The following SLC2A1 variants were observed in gnomAD, a reference collection of about 807,000 sequenced individuals.
The protein encoded by SLC2A1 is solute carrier family 2, facilitated glucose transporter member 1.
Under a neutral mutation model 46.6 loss-of-function variants are expected in SLC2A1, and 4 were observed. That is an observed-to-expected ratio of 0.09 (90% CI 0.04 to 0.20). The LOEUF is 0.20. SLC2A1 is among the 10% of genes least tolerant of loss of function. The probability of loss-of-function intolerance (pLI) is 1.00; values close to 1 mark genes in which losing one functional copy is unlikely to be tolerated. For missense variants in SLC2A1, 352 were observed against 667.0 expected (o/e 0.53, Z 5.20); for synonymous variants, 253 against 270.0 (o/e 0.94, Z 0.62).
At chr1:42,943,184 A>G (rs756098411) in intron 2 of SLC2A1, 42 bp downstream of exon 2, 1 of 1,306,396 alleles carries the variant, frequency 7.7e-7, no homozygotes, top group Non-Finnish European at 1.1e-6. Flanking sequence ...TGTGCAACAG[A>G]GCAGGCTGGT....
At position 42,958,774 on chromosome 1, in the gene SLC2A1, G is replaced by T; in HGVS notation, c.-123C>A. 10 of 1,047,574 alleles carry T rather than the reference G, an allele frequency of 9.5e-6. No individual in the cohort carries two copies. In the South Asian group the frequency reaches 1.4e-4, roughly 15 times the overall value. 64.9% of individuals were successfully genotyped at this position (1,047,574 alleles called of 1,614,324 possible). A position where few individuals can be genotyped will look rare whatever the true frequency, so the allele number is the denominator to read the frequency against. On this transcript the variant is annotated 5_prime_UTR_variant, in exon 1 of 10. Transcript: ENST00000426263. Reference sequence around the variant, plus strand: ...GGACTCCCACTGCGACTCTGACTCCGACCCCCGTCGTTTGGTCTCCTGCTC... The same window carrying T: ...GGACTCCCACTGCGACTCTGACTCCTACCCCCGTCGTTTGGTCTCCTGCTC...
At position 42,930,588 on chromosome 1, in the gene SLC2A1, G is replaced by A. The variant is rs1389391348; in HGVS notation, c.516+38C>T. The A allele has an allele frequency of 2.5e-6, 4 of 1,611,536 alleles. No individual in the cohort carries two copies. The highest frequency in any genetic ancestry group is 2.5e-6 in the Non-Finnish European group (3 of 1,179,092). On this transcript the variant is annotated intron_variant, in intron 4 of 9. Transcript: ENST00000426263. The surrounding 1 kb of genome is among the most constrained non-coding windows in gnomAD (Gnocchi z 6.2). ...CCGAGAGCCACTGAAGCTGTGGGCAGGGGCCGTGCCAGGCAGGTAGATCCT... is the reference window on the plus strand; with the variant it reads ...CCGAGAGCCACTGAAGCTGTGGGCAAGGGCCGTGCCAGGCAGGTAGATCCT...
chr1:42,948,755 C>T (rs1030272437), intron 1 of SLC2A1, among the ~76,000 whole-genome samples: 1 of 152,026 alleles, frequency 6.6e-6, no homozygotes, highest in East Asian at 1.9e-4. Context: ...ACAGCAAAAC[C>T]CTGTCTCTAC....
rs772551920 is a variant in SLC2A1, at chr1:42,930,000, G to A, written c.552C>T (p.Asp184=). The A allele has an allele frequency of 6.2e-7, 1 of 1,614,168 alleles. No homozygotes were observed. The highest frequency in any genetic ancestry group is 1.1e-5 in the South Asian group (1 of 91,088). ...FGLDSIMGNK[D]LWPLLLSIIF... is the part of the protein sequence containing the mutation. ...TGATGCTCAGCAGCAGGGGCCACAG[G>A]TCCTTGTTGCCCATGATGGAGTCCA... The change falls in exon 5 of 10, where the codon GAC becomes GAT. Residue 184 remains aspartate, a synonymous_variant. Coordinates refer to ENST00000426263, the MANE Select transcript of SLC2A1 (RefSeq NM_006516.4). This position sits in a 1 kb window ranked among gnomAD's most constrained non-coding sequence, Gnocchi z 6.0.
At chr1:42,928,843 G>T in intron 8 of SLC2A1, 89 bp downstream of exon 8, 1 of 1,214,736 alleles carries the variant, frequency 8.2e-7, no homozygotes, top group Non-Finnish European at 1.2e-6. Flanking sequence ...CAAAAGGCCT[G>T]CCAGCCTGGG....
chr1:42,950,907 A>C (rs533533193), intron 1 of SLC2A1, among the ~76,000 whole-genome samples: 1 of 152,180 alleles, frequency 6.6e-6, no homozygotes, highest in African/African-American at 2.4e-5. Context: ...CCCGGGAGGC[A>C]GAGGTTGCAG....
At chr1:42,952,364 C>T (rs370456971) in intron 1 of SLC2A1, 28 of 477,358 alleles carry the variant, frequency 5.9e-5, no homozygotes, top group African/African-American at 5.5e-4. Context: ...CCACACTCAG[C>T]CTAGCGCTTG....
chr1:42,932,891 C>T (rs1216687678), intron 2 of SLC2A1, among the ~76,000 whole-genome samples: 7 of 152,202 alleles, frequency 4.6e-5, no homozygotes, highest in African/African-American at 1.2e-4. Context: ...CTCCAAGGGG[C>T]GAGGACAGTT....
chr1:42,945,754 C>CAAAAAACCA (rs1643648807), intron 1 of SLC2A1, among the ~76,000 whole-genome samples: 1 of 141,104 alleles, frequency 7.1e-6, no homozygotes, highest in African/African-American at 2.7e-5. Flanking sequence ...AAAAAAAAAA[C>CAAAAAACCA]AAAAAACAAA....
Position 42,929,559 on chromosome 1 carries a change from CTGGGGCA to C in SLC2A1, c.867+27_867+33del. The C allele has an allele frequency of 6.3e-7, 1 of 1,588,400 alleles. No homozygotes were observed. The highest frequency in any genetic ancestry group is 8.6e-7 in the Non-Finnish European group (1 of 1,159,950). On this transcript the variant is annotated intron_variant, in intron 6 of 9. Transcript: ENST00000426263. This position sits in a 1 kb window ranked among gnomAD's most constrained non-coding sequence, Gnocchi z 6.0. ...ATGCACACTTGACCAGAGGGCTTGG[CTGGGGCA>C]CAGGAAGGGTGGGTGGGGGCACTCA...
chr1:42,939,894 A>AGTGAGC (rs1643578610), intron 2 of SLC2A1, among the ~76,000 whole-genome samples: 1 of 148,472 alleles, frequency 6.7e-6, no homozygotes, highest in African/African-American at 2.5e-5. Context: ...CGGAGGTTGC[A>AGTGAGC]GTGAGCCAAG....
At chr1:42,947,161 G>GTATT (rs1046489628) in intron 1 of SLC2A1, among the ~76,000 whole-genome samples, 1 of 152,152 alleles carries the variant, frequency 6.6e-6, no homozygotes, top group Non-Finnish European at 1.5e-5. Flanking sequence ...CACTCAACGT[G>GTATT]TATTTATTTA....
At position 42,930,096 on chromosome 1, in the gene SLC2A1, C is replaced by T; in HGVS notation, c.517-61G>A. 1 of 1,591,300 alleles carries T rather than the reference C, an allele frequency of 6.3e-7. No individual in the cohort carries two copies. Among genetic ancestry groups the T allele is most frequent in the Non-Finnish European group, 8.6e-7 (1 of 1,164,648 alleles). ...GACCCCCTTTCCCACCCCGTCCTGC[C>T]AGAGTGGCCTTCCCTACTTTGTGTC... is the stretch of plus-strand genomic sequence containing the variant. On this transcript the variant is annotated intron_variant, in intron 4 of 9. Transcript: ENST00000426263. The surrounding 1 kb of genome is among the most constrained non-coding windows in gnomAD (Gnocchi z 6.2).
intron 2 of SLC2A1, among the ~76,000 whole-genome samples, chr1:42,941,806 G>A (rs1643601348): frequency 6.6e-6 from 1 of 152,172 alleles, no homozygotes; most frequent in Admixed American, 6.5e-5. Context: ...CACACACTTT[G>A]GCAAGAGCTG....
At chr1:42,935,106 T>C (rs1002021238) in intron 2 of SLC2A1, among the ~76,000 whole-genome samples, 6 of 151,764 alleles carry the variant, frequency 4.0e-5, no homozygotes, top group Admixed American at 2.6e-4. Flanking sequence ...GGAGGAGCGG[T>C]TCTGGTTAGT....
rs1182825759 is a variant in SLC2A1, at chr1:42,925,968, T to C, written c.*1073A>G. Reference sequence around the variant, plus strand: ...ATGCCTTGAATGTCAAGATAAAGAATGTATATATTCTCTGGGTAACAGGGA... The same window carrying C: ...ATGCCTTGAATGTCAAGATAAAGAACGTATATATTCTCTGGGTAACAGGGA... On this transcript the variant is annotated 3_prime_UTR_variant, in exon 10 of 10. Coordinates refer to ENST00000426263, the MANE Select transcript of SLC2A1 (RefSeq NM_006516.4). 1 of 152,262 alleles carries C rather than the reference T, an allele frequency of 6.6e-6. No homozygotes were observed. Among genetic ancestry groups the C allele is most frequent in the Non-Finnish European group, 1.5e-5 (1 of 68,040 alleles). 9.4% of individuals were successfully genotyped at this position (152,262 alleles called of 1,614,324 possible).
chr1:42,946,308 G>A (rs1643654940), intron 1 of SLC2A1, among the ~76,000 whole-genome samples: 1 of 152,188 alleles, frequency 6.6e-6, no homozygotes, highest in African/African-American at 2.4e-5. Flanking sequence ...GGCAGCTGCT[G>A]CACTAGGACT....
chr1:42,950,710 C>T (rs141939351), intron 1 of SLC2A1, among the ~76,000 whole-genome samples: 80 of 152,310 alleles, frequency 5.3e-4, no homozygotes, highest in African/African-American at 1.8e-3. Context: ...TGGTGGCTCA[C>T]GCCTGTAATT....
intron 1 of SLC2A1, among the ~76,000 whole-genome samples, chr1:42,953,894 C>T (rs1293149510): frequency 6.6e-6 from 1 of 152,172 alleles, no homozygotes; most frequent in Non-Finnish European, 1.5e-5. Context: ...CCAGACTGGC[C>T]TTACAAAGGG....
Sources: allele counts gnomAD v4.1 joint callset (sites outside exome capture counted in the v4.1 genomes callset), GRCh38; gene constraint gnomAD v4.1.1; non-coding constraint Gnocchi (gnomAD v3.1); transcripts MANE v1.5; gene names NCBI Gene and HGNC (gene_info 2026-07-23, HGNC 2026-07-21).